ADCY3: variants seen among roughly 807,000 people sequenced by gnomAD.
ADCY3 encodes adenylate cyclase 3.
In ADCY3, 70 loss-of-function variants were observed where a neutral mutation model predicts 119.4. That is an observed-to-expected ratio of 0.59 (90% CI 0.48 to 0.72). The LOEUF (loss-of-function observed/expected upper bound fraction) is 0.72. ADCY3 is among the 30% of genes least tolerant of loss of function. ADCY3 has a pLI of 0.00. For synonymous variants in ADCY3, 672 were observed against 621.4 expected, an observed-to-expected ratio of 1.08 and a Z score of -1.21; for missense variants, 1,238 against 1,541.6, an observed-to-expected ratio of 0.80 and a Z score of 3.30.
At position 24,899,389 on chromosome 2, in the gene ADCY3, G is replaced by A. The variant is rs1678656720; in HGVS notation, c.675+18924C>T. 6.6e-6 allele frequency among the ~76,000 whole-genome samples: 1 copy of A among 152,196 alleles called. No individual in the cohort carries two copies. Among genetic ancestry groups the A allele is most frequent in the Non-Finnish European group, 1.5e-5 (1 of 68,032 alleles). ...CCAAAGCCCATGTCTGTCTAAGAGC[G>A]GGACCTCACTCTCGGCTGGAATGCT... On this transcript the variant is annotated intron_variant, in intron 2 of 21. Coordinates refer to ENST00000679454, the MANE Select transcript of ADCY3 (RefSeq NM_004036.5). This position sits in a 1 kb window ranked among gnomAD's most constrained non-coding sequence, Gnocchi z 4.5.
At chr2:24,825,349 TG>T (rs1668460386) in intron 16 of ADCY3, among the ~76,000 whole-genome samples, 2 of 83,828 alleles carry the variant, frequency 2.4e-5, no homozygotes, top group Non-Finnish European at 2.4e-5. Context: ...GGGGGGGGGG[TG>T]CGGGGGGGGT....
At chr2:24,896,369 A>C (rs72848442) in intron 2 of ADCY3, among the ~76,000 whole-genome samples, 6,055 of 152,104 alleles carry the variant, frequency 0.04, 375 homozygotes, top group African/African-American at 0.14. Context: ...TGGGTAACAA[A>C]GTGAGATTCT....
At chr2:24,908,051 A>G (rs6730191) in intron 2 of ADCY3, among the ~76,000 whole-genome samples, 79,002 of 148,316 alleles carry the variant, frequency 0.53, 22,704 homozygotes, top group African/African-American at 0.79. Flanking sequence ...GCCAAGCGTG[A>G]TGGCTCACGC....
chr2:24,890,030 G>A (rs1156873625), intron 2 of ADCY3, among the ~76,000 whole-genome samples: 1 of 152,140 alleles, frequency 6.6e-6, no homozygotes, highest in Admixed American at 6.5e-5. Flanking sequence ...GGTATTATCT[G>A]AATGGATGCT....
At chr2:24,909,176 A>C (rs1321398055) in intron 2 of ADCY3, among the ~76,000 whole-genome samples, 2 of 152,062 alleles carry the variant, frequency 1.3e-5, no homozygotes, top group Non-Finnish European at 2.9e-5. Flanking sequence ...TCCATCCCCT[A>C]CGTCCGTCCT....
chr2:24,838,679 AGGGGACAGTCCACGGACCAC>A, intron 7 of ADCY3, 57 bp from the exon 8 acceptor site: 3 of 1,606,792 alleles, frequency 1.9e-6, no homozygotes, highest in Non-Finnish European at 2.6e-6. Context: ...TCACACCCCC[AGGGGACAGTCCACGGACCAC>A]GGCTGCACCG....
intron 2 of ADCY3, among the ~76,000 whole-genome samples, chr2:24,909,701 C>T (rs1663340930): frequency 6.6e-6 from 1 of 152,156 alleles, no homozygotes; most frequent in African/African-American, 2.4e-5. Context: ...ATTCTGTGGT[C>T]ACAGAGTATT....
Position 24,833,437 on chromosome 2 carries a change from A to G in ADCY3, c.1967+1048T>C, listed in dbSNP as rs188023008. ...CGCTTCCAGGCGTTACTGAAATATTATCCTGCCAGCAAGTCCTGCTCTGAC... is the reference window on the plus strand; with the variant it reads ...CGCTTCCAGGCGTTACTGAAATATTGTCCTGCCAGCAAGTCCTGCTCTGAC... On this transcript the variant is annotated intron_variant, in intron 11 of 21. Transcript: ENST00000679454. Among the ~76,000 whole-genome samples the G allele has an allele frequency of 1.2e-3, 187 of 152,290 alleles. 2 individuals are homozygous for G. The Middle Eastern group carries it at 0.041, about 33-fold the overall frequency.
rs1309410928 is a variant in ADCY3 at position 24,834,528 on chromosome 2, C to T, written c.1924G>A (p.Val642Ile). 22 of 1,613,594 alleles carry T rather than the reference C, an allele frequency of 1.4e-5. No homozygotes were observed. Among genetic ancestry groups the T allele is most frequent in the Middle Eastern group, 1.7e-4 (1 of 6,046 alleles). The change falls in exon 11 of 22, where the codon GTC (valine) becomes ATC (isoleucine). Residue 642 changes from valine to isoleucine, a missense_variant. Val to Ile is a conservative substitution (Grantham distance 29). This residue lies in a region of ADCY3 where 499 missense variants were observed against 571.0 expected (regional missense o/e 0.87). Coordinates refer to ENST00000679454, the MANE Select transcript of ADCY3 (RefSeq NM_004036.5). The surrounding 1 kb of genome is among the most constrained non-coding windows in gnomAD (Gnocchi z 4.2). The stretch of plus-strand genomic sequence containing the variant: ...TCGACCAGGGCCGTGCAGAGCAGGA[C>T]GACGCAGGAGCAGCTGAAGGCAGCC... ...SGAAFSCSCV[V>I]LLCTALVEIL...
At chr2:24,915,402 C>T (rs1180184387) in intron 2 of ADCY3, among the ~76,000 whole-genome samples, 3 of 152,132 alleles carry the variant, frequency 2.0e-5, no homozygotes, top group East Asian at 3.9e-4. Flanking sequence ...CCCTTGCCCC[C>T]GATCCTTGAT....
chr2:24,908,954 C>T (rs985938906), intron 2 of ADCY3, among the ~76,000 whole-genome samples: 1 of 152,120 alleles, frequency 6.6e-6, no homozygotes, highest in African/African-American at 2.4e-5. Context: ...CTTTTTGATT[C>T]TACACACTCT....
intron 2 of ADCY3, among the ~76,000 whole-genome samples, chr2:24,880,717 G>A (rs1572975217): frequency 6.6e-6 from 1 of 152,162 alleles, no homozygotes; most frequent in East Asian, 1.9e-4. Flanking sequence ...TCCTTGCAGA[G>A]TATAAAGTCT....
chr2:24,852,825 C>T (rs944958969), intron 3 of ADCY3, among the ~76,000 whole-genome samples: 2 of 152,230 alleles, frequency 1.3e-5, no homozygotes, highest in Non-Finnish European at 1.5e-5. Flanking sequence ...CTGGTTCAGC[C>T]GAGCCCATCC....
At chr2:24,877,428 G>A (rs866657706) in intron 2 of ADCY3, among the ~76,000 whole-genome samples, 11 of 152,100 alleles carry the variant, frequency 7.2e-5, no homozygotes, top group African/African-American at 9.7e-5. Flanking sequence ...ACCTACCCCA[G>A]TCCACCCCCG....
rs1375247999 is a variant in ADCY3 at position 24,842,387 on chromosome 2, G to A, written c.826-3C>T. 3 of 1,614,052 alleles carry A rather than the reference G, an allele frequency of 1.9e-6. No homozygotes were observed. The highest frequency in any genetic ancestry group is 2.7e-5 in the African/African-American group (2 of 74,932). On this transcript the variant is annotated splice_region_variant and splice_polypyrimidine_tract_variant and intron_variant, in intron 3 of 21. Transcript: ENST00000679454. The surrounding 1 kb of genome is among the most constrained non-coding windows in gnomAD (Gnocchi z 4.9). ...AGGATGGAAAGCATGAGGTTCTCCT[G>A]TGAGGGGCAGGAGAGGGTCAGAGGC...
intron 3 of ADCY3, among the ~76,000 whole-genome samples, chr2:24,852,943 G>A (rs1672514227): frequency 1.3e-5 from 2 of 152,098 alleles, no homozygotes; most frequent in South Asian, 2.1e-4. Context: ...GCACACCTGT[G>A]CACCTGAGGT....
chr2:24,877,902 C>T (rs199559085), intron 2 of ADCY3: 423 of 471,148 alleles, frequency 9.0e-4, no homozygotes, highest in Non-Finnish European at 1.6e-3. Flanking sequence ...TGCCCAGTCC[C>T]GGGTCCTGGG....
intron 2 of ADCY3, among the ~76,000 whole-genome samples, chr2:24,916,254 C>A (rs1664438608): frequency 6.6e-6 from 1 of 152,198 alleles, no homozygotes; most frequent in Admixed American, 6.5e-5. Flanking sequence ...GGTGGGGCAC[C>A]CAGGCCCCGG....
chr2:24,894,513 T>G (rs1471827352), intron 2 of ADCY3, among the ~76,000 whole-genome samples: 3 of 152,008 alleles, frequency 2.0e-5, no homozygotes, highest in African/African-American at 7.2e-5. Flanking sequence ...AATAAGAAAA[T>G]TATAACAATA....
Sources: allele counts gnomAD v4.1 joint callset (sites outside exome capture counted in the v4.1 genomes callset), GRCh38; gene constraint gnomAD v4.1.1; regional missense constraint gnomAD v4.1.1; non-coding constraint Gnocchi (gnomAD v3.1); transcripts MANE v1.5; gene names NCBI Gene and HGNC (gene_info 2026-07-23, HGNC 2026-07-21).